TBC1D8B: variants seen among roughly 807,000 people sequenced by gnomAD.
TBC1D8B encodes TBC1 domain family member 8B, also known as RP11-321G1.1.
In TBC1D8B, 75 loss-of-function variants were observed where a neutral mutation model predicts 82.9. That is an observed-to-expected ratio of 0.90 (90% CI 0.75 to 1.10). The LOEUF (loss-of-function observed/expected upper bound fraction) is 1.10, where lower values mean the gene tolerates loss of function less well. TBC1D8B is among the 50% of genes least tolerant of loss of function. TBC1D8B has a pLI of 0.00. For missense variants in TBC1D8B, 794 were observed against 796.9 expected, an observed-to-expected ratio of 1.00 and a Z score of 0.04; for synonymous variants, 276 against 276.8, an observed-to-expected ratio of 1.00 and a Z score of 0.03.
rs376567431 is a variant in TBC1D8B, at chrX:106,825,481, C to T, written c.828-549C>T. ...CACCTATCCTGTGCCCAACATAGTACAAGCAGTATTATTTTATCATACTTC... is the reference window on the plus strand; with the variant it reads ...CACCTATCCTGTGCCCAACATAGTATAAGCAGTATTATTTTATCATACTTC... On this transcript the variant is annotated intron_variant, in intron 5 of 20. Coordinates refer to ENST00000357242, the MANE Select transcript of TBC1D8B (RefSeq NM_017752.3). Among the ~76,000 whole-genome samples the T allele has an allele frequency of 1.6e-3, 177 of 111,874 alleles. 1 individual carries two copies. Among genetic ancestry groups the T allele is most frequent in the African/African-American group, 5.2e-3 (162 of 31,000 alleles).
intron 1 of TBC1D8B, among the ~76,000 whole-genome samples, chrX:106,805,072 CTTTTTTTTTTTT>C (rs11432144): frequency 1.2e-3 from 68 of 54,595 alleles, no homozygotes; most frequent in African/African-American, 5.4e-3. Context: ...TGCAAGTTTC[CTTTTTTTTTTTT>C]TTTTTTTTTT....
intron 1 of TBC1D8B, among the ~76,000 whole-genome samples, chrX:106,813,109 C>T (rs1458657982): frequency 1.8e-5 from 2 of 112,008 alleles, no homozygotes; most frequent in Non-Finnish European, 3.8e-5. Context: ...TCACCCGCCT[C>T]GGCCTCCCAA....
In TBC1D8B at chrX:106,850,081, C is replaced by A. The variant is rs376661971; in HGVS notation, c.1894C>A (p.Leu632Met). ...EELIRDHLPQ[L>M]TEHMTDMTFF... ...ACTTATCAGGGATCACCTTCCTCAG[C>A]TGACAGAACACATGACTGATATGAC... is the stretch of plus-strand genomic sequence containing the variant. The change falls in exon 12 of 21, where the codon CTG becomes ATG. Residue 632 changes from leucine (L) to methionine (M), a missense_variant. Transcript: ENST00000357242. 11 of 1,208,814 alleles carry A rather than the reference C, an allele frequency of 9.1e-6. No homozygotes were observed. In the African/African-American group the frequency reaches 1.9e-4, roughly 21 times the overall value.
At chrX:106,863,149 G>A (rs754900184) in intron 14 of TBC1D8B, among the ~76,000 whole-genome samples, 1 of 112,222 alleles carries the variant, frequency 8.9e-6, no homozygotes. Flanking sequence ...CTCAGGCTGG[G>A]TGCTCGTAGG....
At chrX:106,864,396 T>G (rs1932799412) in intron 14 of TBC1D8B, among the ~76,000 whole-genome samples, 1 of 110,534 alleles carries the variant, frequency 9.0e-6, no homozygotes, top group Non-Finnish European at 1.9e-5. Context: ...TGTGGTTTCT[T>G]AGATGATTGG....
At chrX:106,853,218 C>T (rs1206812772) in intron 12 of TBC1D8B, among the ~76,000 whole-genome samples, 2 of 111,089 alleles carry the variant, frequency 1.8e-5, no homozygotes, top group African/African-American at 6.5e-5. Flanking sequence ...TGATTTGGCT[C>T]TCTGTTTGTC....
chrX:106,865,842 A>C lies in TBC1D8B; in HGVS notation c.2471A>C (p.Lys824Thr), dbSNP rs759138631. Residue 824 changes from lysine (K) to threonine (T), a missense_variant, in exon 16 of 21, where the codon AAG becomes ACG. Coordinates refer to ENST00000357242, the MANE Select transcript of TBC1D8B (RefSeq NM_017752.3). ...TGGTGTTTGGGTTGCCCAGTATTGA[A>C]GCATCATGACCCCAGTCTGCCATAT... ...CYWCLGCPVL[K>T]HHDPSLPYLE... 7 of 1,208,036 alleles carry C rather than the reference A, an allele frequency of 5.8e-6. No individual in the cohort carries two copies. Among genetic ancestry groups the C allele is most frequent in the Non-Finnish European group, 7.8e-6 (7 of 893,979 alleles).
chrX:106,830,239 A>G (rs761303366), intron 7 of TBC1D8B, among the ~76,000 whole-genome samples: 7 of 112,139 alleles, frequency 6.2e-5, no homozygotes, highest in African/African-American at 2.3e-4. Flanking sequence ...TCAAAACCAC[A>G]ATGAGATACC....
rs762284176 is a variant in TBC1D8B at position 106,821,966 on chromosome X, G to T, written c.361-11G>T. The T allele has an allele frequency of 2.5e-6, 3 of 1,180,168 alleles. No homozygotes were observed. In the African/African-American group the frequency reaches 5.3e-5, roughly 21 times the overall value. On this transcript the variant is annotated splice_polypyrimidine_tract_variant and intron_variant, in intron 3 of 20. Transcript: ENST00000357242. Reference sequence around the variant, plus strand: ...GTGATGAATTTTCAGAAAATATTTTGTCTCCTTTAGGGATTAATTGCTGAA... The same window carrying T: ...GTGATGAATTTTCAGAAAATATTTTTTCTCCTTTAGGGATTAATTGCTGAA...
intron 1 of TBC1D8B, among the ~76,000 whole-genome samples, chrX:106,805,043 C>A (rs1280833658): frequency 1.1e-5 from 1 of 93,642 alleles, no homozygotes; most frequent in African/African-American, 4.0e-5. Flanking sequence ...TGTAGTATTG[C>A]ATGTTTTTTT....
intron 20 of TBC1D8B, among the ~76,000 whole-genome samples, chrX:106,873,327 CAG>C (rs1184351502): frequency 9.0e-6 from 1 of 111,365 alleles, no homozygotes; most frequent in Non-Finnish European, 1.9e-5. Flanking sequence ...CTCCTGACCC[CAG>C]ATGATCCACC....
At position 106,862,881 on chromosome X, in the gene TBC1D8B, G is replaced by A. The variant is rs192794624; in HGVS notation, c.2353-2678G>A. Among the ~76,000 whole-genome samples the A allele has an allele frequency of 3.0e-3, 310 of 103,499 alleles. 4 individuals are homozygous for A. Among genetic ancestry groups the A allele is most frequent in the African/African-American group, 0.011 (303 of 27,985 alleles). The allele number at this position is 103,499 out of a possible 115,157, so 89.9% of individuals were successfully genotyped here. ...GCTTTGATTTTGAAGATTTCAGATG[G>A]CCAAGGCTCACCTGAGCTCTCCTGA... On this transcript the variant is annotated intron_variant, in intron 14 of 20. Transcript: ENST00000357242.
At chrX:106,820,066 T>C (rs1441051637) in intron 2 of TBC1D8B, among the ~76,000 whole-genome samples, 1 of 111,191 alleles carries the variant, frequency 9.0e-6, no homozygotes, top group Non-Finnish European at 1.9e-5. Flanking sequence ...ACAAATTTTT[T>C]AATATGCCAG....
At chrX:106,803,264 G>T (rs529188015) in intron 1 of TBC1D8B, among the ~76,000 whole-genome samples, 34 of 111,999 alleles carry the variant, frequency 3.0e-4, no homozygotes, top group Middle Eastern at 4.6e-3. Context: ...CTTCCCATGG[G>T]GGGAGGGAGG....
chrX:106,820,786 T>C, intron 2 of TBC1D8B, 91 bp from the exon 3 acceptor site: 1 of 614,027 alleles, frequency 1.6e-6, no homozygotes, highest in Non-Finnish European at 2.6e-6. Context: ...GTGAAAATGT[T>C]ATTTCTTTTT....
At chrX:106,861,360 TC>T (rs1375717980) in intron 14 of TBC1D8B, among the ~76,000 whole-genome samples, 1 of 111,914 alleles carries the variant, frequency 8.9e-6, no homozygotes, top group Non-Finnish European at 1.9e-5. Context: ...GTTATCTAAG[TC>T]TCTTTATAGG....
At chrX:106,814,366 G>C (rs1178484335) in intron 1 of TBC1D8B, 1 of 101,454 alleles carries the variant, frequency 9.9e-6, no homozygotes, top group Non-Finnish European at 2.0e-5. Flanking sequence ...CCCTACAAAG[G>C]ACATGAACTC....
At chrX:106,827,458 T>C (rs762846449) in intron 7 of TBC1D8B, 121 bp downstream of exon 7, 31 of 749,771 alleles carry the variant, frequency 4.1e-5, no homozygotes, top group Non-Finnish European at 5.4e-5. Context: ...TTTTTAAAGA[T>C]AGAATCTAAG....
intron 14 of TBC1D8B, among the ~76,000 whole-genome samples, chrX:106,855,871 TA>T (rs898328444): frequency 1.2e-4 from 13 of 111,149 alleles, no homozygotes; most frequent in Non-Finnish European, 2.1e-4. Context: ...ACCAGATATT[TA>T]AAATCTTGAA....
Sources: gnomAD v4.1 joint callset for allele counts (sites outside exome capture counted in the v4.1 genomes callset) on GRCh38, gnomAD v4.1.1 for gene constraint, MANE v1.5 for transcripts, NCBI Gene and HGNC (gene_info 2026-07-23, HGNC 2026-07-21) for gene names.